Variants in TESK2 observed in about 807,000 individuals in gnomAD.
TESK2 encodes the protein dual specificity testis-specific protein kinase 2.
In TESK2, 39 loss-of-function variants were observed where a neutral mutation model predicts 57.1. The observed-to-expected ratio is 0.68, with a 90% CI of 0.53 to 0.89. TESK2 has a LOEUF of 0.89. Among genes scored for constraint, TESK2 ranks in the 40% least tolerant of loss-of-function variants. TESK2 has a pLI of 0.00. For missense variants in TESK2, 646 were observed against 732.1 expected (o/e 0.88, Z 1.36); for synonymous variants, 249 against 267.9 (o/e 0.93, Z 0.69).
rs199634022 is a variant in TESK2, at chr1:45,421,837, G to A, written c.232C>T (p.Arg78Ter). Residue 78 changes from arginine (R) to a stop codon, truncating the protein, a stop_gained, in exon 3 of 11, where the codon CGA becomes TGA. Transcript: ENST00000372086. LOFTEE classifies it high-confidence loss of function. ...AGAGCCATCACCTGACCAGAAGCTC[G>A]GTGTCGTACCTAGAATATTAAATAG... The part of the protein sequence containing the change: ...FFSEVFKVRH[R>*]ASGQVMALKM... The A allele has an allele frequency of 8.7e-6, 14 of 1,613,918 alleles. No homozygotes were observed. The highest frequency in any genetic ancestry group is 5.0e-5 in the Admixed American group (3 of 59,998).
At chr1:45,363,345 C>T (rs1431263993) in intron 4 of TESK2, among the ~76,000 whole-genome samples, 1 of 152,162 alleles carries the variant, frequency 6.6e-6, no homozygotes, top group East Asian at 1.9e-4. Context: ...AGATTTAGCC[C>T]TCATTCCAAT....
At chr1:45,366,013 T>C (rs1393409127) in intron 4 of TESK2, among the ~76,000 whole-genome samples, 1 of 152,074 alleles carries the variant, frequency 6.6e-6, no homozygotes, top group Non-Finnish European at 1.5e-5. Flanking sequence ...TTCACCATGT[T>C]GGCCAGGCTG....
intron 5 of TESK2, among the ~76,000 whole-genome samples, chr1:45,351,984 G>T (rs960154337): frequency 6.6e-6 from 1 of 152,142 alleles, no homozygotes; most frequent in Non-Finnish European, 1.5e-5. Flanking sequence ...AAGAAAGCCT[G>T]ATACTGTCCT....
chr1:45,429,648 C>G (rs887146709), intron 2 of TESK2, among the ~76,000 whole-genome samples: 4 of 152,034 alleles, frequency 2.6e-5, no homozygotes, highest in African/African-American at 9.7e-5. Flanking sequence ...AAAATGAAAA[C>G]GGAGTTACCC....
intron 4 of TESK2, among the ~76,000 whole-genome samples, chr1:45,373,329 T>G (rs1648279346): frequency 1.3e-5 from 2 of 152,182 alleles, no homozygotes; most frequent in East Asian, 3.8e-4. Context: ...GAACAGGACA[T>G]GGTGATTGGT....
intron 1 of TESK2, among the ~76,000 whole-genome samples, chr1:45,481,539 C>T (rs1653224933): frequency 6.6e-6 from 1 of 152,052 alleles, no homozygotes; most frequent in African/African-American, 2.4e-5. Flanking sequence ...GATCATAGCA[C>T]ACTATGGCCT....
At chr1:45,467,700 TG>T (rs1652611022) in intron 1 of TESK2, among the ~76,000 whole-genome samples, 1 of 152,094 alleles carries the variant, frequency 6.6e-6, no homozygotes, top group Non-Finnish European at 1.5e-5. Flanking sequence ...GCCAAAACAT[TG>T]ATAACAATTT....
chr1:45,457,512 A>C, intron 2 of TESK2, 52 bp downstream of exon 2: 2 of 1,518,722 alleles, frequency 1.3e-6, no homozygotes, highest in Admixed American at 3.4e-5. Flanking sequence ...ATCAACCTGC[A>C]GTAAATGTGA....
chr1:45,426,098 C>G (rs1650679716), intron 2 of TESK2, among the ~76,000 whole-genome samples: 1 of 152,078 alleles, frequency 6.6e-6, no homozygotes, highest in South Asian at 2.1e-4. Context: ...TTGCAGTGAG[C>G]CAAGATTGCA....
intron 8 of TESK2, 72 bp from the exon 9 acceptor site, chr1:45,346,851 A>T (rs1033915819): frequency 7.7e-6 from 12 of 1,549,010 alleles, no homozygotes; most frequent in Middle Eastern, 1.7e-4. Flanking sequence ...TGCTCAGTAG[A>T]AGTGGTTGGG....
intron 4 of TESK2, among the ~76,000 whole-genome samples, chr1:45,356,661 TTAAA>T (rs1251392062): frequency 6.7e-6 from 1 of 149,338 alleles, no homozygotes; most frequent in Non-Finnish European, 1.5e-5. Context: ...CTGGGAGAAG[TTAAA>T]TTATTAAAGG....
rs759877370 is a variant in TESK2 at position 45,355,339 on chromosome 1, G to A, written c.504C>T (p.His168=). 1.4e-5 allele frequency: 22 copies of A among 1,613,932 alleles called. No homozygotes were observed. The highest frequency in any genetic ancestry group is 1.1e-4 in the African/African-American group (8 of 74,914). Residue 168 remains histidine (H), a synonymous_variant, in exon 5 of 11, where the codon CAC becomes CAT. Coordinates refer to ENST00000372086, the MANE Select transcript of TESK2 (RefSeq NM_007170.3). ...GGTCCCGATGAAAAATGCCTTTGAA[G>A]TGAAGGTAGCTGAGGCCCACTGCTA... is the stretch of plus-strand genomic sequence containing the variant. ...YDIAVGLSYL[H]FKGIFHRDLT...
At chr1:45,489,681 T>C (rs1234005386) in intron 1 of TESK2, among the ~76,000 whole-genome samples, 1 of 152,116 alleles carries the variant, frequency 6.6e-6, no homozygotes, top group African/African-American at 2.4e-5. Context: ...TCCCAGCTAC[T>C]CGGTAGTCTG....
At chr1:45,369,466 C>T (rs1050503715) in intron 4 of TESK2, among the ~76,000 whole-genome samples, 1 of 151,832 alleles carries the variant, frequency 6.6e-6, no homozygotes, top group African/African-American at 2.4e-5. Context: ...GCACTCCAGC[C>T]TGGGCAACAA....
intron 2 of TESK2, among the ~76,000 whole-genome samples, chr1:45,443,206 C>T (rs1018067849): frequency 6.6e-6 from 1 of 152,030 alleles, no homozygotes; most frequent in African/African-American, 2.4e-5. Flanking sequence ...GCCCGGCCAA[C>T]TAAGGTCTAT....
intron 5 of TESK2, among the ~76,000 whole-genome samples, chr1:45,350,900 C>T (rs1451346235): frequency 3.3e-5 from 5 of 152,226 alleles, no homozygotes. Flanking sequence ...CTCTACATCC[C>T]TCCAGCATTC....
intron 4 of TESK2, among the ~76,000 whole-genome samples, chr1:45,359,979 C>T (rs1350168173): frequency 1.3e-5 from 2 of 152,102 alleles, no homozygotes; most frequent in African/African-American, 4.8e-5. Flanking sequence ...GGGGGCAGCA[C>T]CATGCAGCAC....
intron 1 of TESK2, among the ~76,000 whole-genome samples, chr1:45,472,975 A>C (rs1276532384): frequency 7.0e-6 from 1 of 142,506 alleles, no homozygotes; most frequent in African/African-American, 2.6e-5. Context: ...GTCTCTACTA[A>C]AAAAAAAAAA....
chr1:45,401,423 AAAT>A (rs1375711390), intron 3 of TESK2, among the ~76,000 whole-genome samples: 1 of 151,568 alleles, frequency 6.6e-6, no homozygotes, highest in African/African-American at 2.4e-5. Context: ...ATAAATAAAT[AAAT>A]AATAAAAATT....
Sources: gnomAD v4.1 joint callset for allele counts (sites outside exome capture counted in the v4.1 genomes callset) on GRCh38, gnomAD v4.1.1 for gene constraint, MANE v1.5 for transcripts, NCBI Gene and HGNC (gene_info 2026-07-23, HGNC 2026-07-21) for gene names.